ADAMTS1: variants seen among roughly 807,000 people sequenced by gnomAD.
ADAMTS1 encodes ADAM metallopeptidase with thrombospondin type 1 motif 1.
A neutral mutation model predicts 87.9 loss-of-function variants in ADAMTS1; 19 were observed. The observed-to-expected ratio is 0.22, with a 90% confidence interval of 0.15 to 0.32. The LOEUF (loss-of-function observed/expected upper bound fraction) is 0.32, where lower values mean the gene tolerates loss of function less well. Among genes scored for constraint, ADAMTS1 ranks in the 10% least tolerant of loss-of-function variants. ADAMTS1 has a pLI of 1.00. For missense variants in ADAMTS1, 1,240 were observed against 1,259.1 expected (o/e 0.98, Z 0.23); for synonymous variants, 542 against 501.8 (o/e 1.08, Z -1.07).
At chr21:26,840,088 T>G (rs1396950364) in intron 5 of ADAMTS1, 27 bp from the exon 6 acceptor site, 1 of 1,601,396 alleles carries the variant, frequency 6.2e-7, no homozygotes, top group Admixed American at 1.7e-5. Flanking sequence ...ATCATCAGCA[T>G]TAGAATTATC....
intron 4 of ADAMTS1, 130 bp from the exon 5 acceptor site, chr21:26,840,692 G>A: frequency 4.7e-6 from 5 of 1,055,060 alleles, no homozygotes; most frequent in East Asian, 2.5e-5. Context: ...TAAAGCTGGG[G>A]GAGGGAAATG....
chr21:26,837,566 C>A lies in ADAMTS1; in HGVS notation c.*13G>T. The A allele has an allele frequency of 6.2e-7, 1 of 1,611,522 alleles. No homozygotes were observed. The highest frequency in any genetic ancestry group is 1.1e-5 in the South Asian group (1 of 90,876). On this transcript the variant is annotated 3_prime_UTR_variant, in exon 9 of 9. Transcript: ENST00000284984. ...CTTTGCCTTGCCCTCAAAGCTAACACCACTTAAACCACTTAACTGCATTCT... is the reference window on the plus strand; with the variant it reads ...CTTTGCCTTGCCCTCAAAGCTAACAACACTTAAACCACTTAACTGCATTCT...
At position 26,844,331 on chromosome 21, in the gene ADAMTS1, A is replaced by G; in HGVS notation, c.624T>C (p.Thr208=). ...CGVVDDEPRP[T]GKAETEDEDE... Reference sequence around the variant, plus strand: ...CCTCGTCTTCGGTCTCCGCTTTCCCAGTCGGCCGGGGCTCGTCGTCCACGA... The same window carrying G: ...CCTCGTCTTCGGTCTCCGCTTTCCCGGTCGGCCGGGGCTCGTCGTCCACGA... Residue 208 remains threonine, a synonymous_variant, in exon 1 of 9, where the codon ACT becomes ACC. Transcript: ENST00000284984. 6.2e-7 allele frequency: 1 copy of G among 1,607,506 alleles called. No homozygotes were observed. The highest frequency in any genetic ancestry group is 1.1e-5 in the South Asian group (1 of 90,200).
chr21:26,843,429 A>C (rs1457636471), intron 1 of ADAMTS1: 1 of 465,004 alleles, frequency 2.2e-6, no homozygotes, highest in Non-Finnish European at 4.5e-6. Flanking sequence ...TTCTTTAAAA[A>C]ATGACACGCG....
At chr21:26,842,287 A>C (rs988473362) in intron 2 of ADAMTS1, 52 bp downstream of exon 2, 2 of 1,538,104 alleles carry the variant, frequency 1.3e-6, no homozygotes, top group African/African-American at 2.7e-5. Context: ...TTTTTGGTAC[A>C]ACGTAGACTC....
chr21:26,836,658 A>G lies in ADAMTS1; in HGVS notation c.*921T>C, dbSNP rs927615751. ...AGACAAGTGATCTCAATGTCCCCAA[A>G]CCTGTGGGACCCTGTTCTACACACC... On this transcript the variant is annotated 3_prime_UTR_variant, in exon 9 of 9. Transcript: ENST00000284984. The G allele has an allele frequency of 1.3e-5, 2 of 152,478 alleles. No individual in the cohort carries two copies. The highest frequency in any genetic ancestry group is 2.9e-5 in the Non-Finnish European group (2 of 68,024). The allele number at this position is 152,478 out of a possible 1,614,324, so 9.4% of individuals were successfully genotyped here.
chr21:26,844,277 C>G lies in ADAMTS1; in HGVS notation c.678G>C (p.Gly226=). The part of the protein sequence containing the change: ...EDEGTEGEDE[G]AQWSPQDPAL... ...CCGGGTCCTGCGGCGACCACTGAGCCCCTTCGTCCTCGCCCTCAGTCCCTT... is the reference window on the plus strand; with the variant it reads ...CCGGGTCCTGCGGCGACCACTGAGCGCCTTCGTCCTCGCCCTCAGTCCCTT... The change falls in exon 1 of 9, where the codon GGG becomes GGC. Residue 226 remains glycine (G), a synonymous_variant. Coordinates refer to ENST00000284984, the MANE Select transcript of ADAMTS1 (RefSeq NM_006988.5). 1 of 1,601,478 alleles carries G rather than the reference C, an allele frequency of 6.2e-7. No homozygotes were observed. Among genetic ancestry groups the G allele is most frequent in the Non-Finnish European group, 8.5e-7 (1 of 1,174,468 alleles).
chr21:26,843,686 G>A (rs1042516327), intron 1 of ADAMTS1: 27 of 487,310 alleles, frequency 5.5e-5, no homozygotes, highest in Middle Eastern at 3.2e-4. Flanking sequence ...CCTTATAAGG[G>A]GGAAAGGGGA....
rs1319562840 is a variant in ADAMTS1, at chr21:26,844,931, C to G, written c.24G>C (p.Gly8=). Reference sequence around the variant, plus strand: ...CGCTGCCCAGCTTGCGCCTTCCGAACCCCTCGGGCACAGCTCGCTGCATTG... The same window carrying G: ...CGCTGCCCAGCTTGCGCCTTCCGAAGCCCTCGGGCACAGCTCGCTGCATTG... The part of the protein sequence containing the change: MQRAVPE[G]FGRRKLGSDM... Residue 8 remains glycine, a synonymous_variant, in exon 1 of 9, where the codon GGG becomes GGC. Transcript: ENST00000284984. 1 of 1,514,158 alleles carries G rather than the reference C, an allele frequency of 6.6e-7. No individual in the cohort carries two copies. The highest frequency in any genetic ancestry group is 2.3e-5 in the East Asian group (1 of 43,744). The allele number at this position is 1,514,158 out of a possible 1,614,324, so 93.8% of individuals were successfully genotyped here.
chr21:26,840,134 T>G, intron 5 of ADAMTS1, 73 bp from the exon 6 acceptor site: 1 of 1,554,720 alleles, frequency 6.4e-7, no homozygotes, highest in Non-Finnish European at 8.7e-7. Context: ...GAAAGCCACA[T>G]GGGACAAAGA....
chr21:26,843,030 G>A (rs1985529029), intron 1 of ADAMTS1: 2 of 292,940 alleles, frequency 6.8e-6, no homozygotes, highest in Non-Finnish European at 1.3e-5. Context: ...GGCAGGCAGA[G>A]GCCCTGAGTC....
chr21:26,836,131 A>T lies in ADAMTS1; in HGVS notation c.*1448T>A, dbSNP rs1568808304. On this transcript the variant is annotated 3_prime_UTR_variant, in exon 9 of 9. Coordinates refer to ENST00000284984, the MANE Select transcript of ADAMTS1 (RefSeq NM_006988.5). ...TATAAGAAATACATCTCATTAGAAA[A>T]AAATCTTCTATTCAGCCGTCTTGCT... 6.6e-6 allele frequency: 1 copy of T among 152,240 alleles called. No homozygotes were observed. Among genetic ancestry groups the T allele is most frequent in the Non-Finnish European group, 1.5e-5 (1 of 68,032 alleles). The allele number at this position is 152,240 out of a possible 1,614,324, so 9.4% of individuals were successfully genotyped here.
At position 26,837,821 on chromosome 21, in the gene ADAMTS1, G is replaced by A. The variant is rs1263321971; in HGVS notation, c.2662C>T (p.Pro888Ser). The change falls in exon 9 of 9, where the codon CCT becomes TCT. Residue 888 changes from proline to serine, a missense_variant. This residue lies in a region of ADAMTS1 where 402 missense variants were observed against 399.1 expected (regional missense o/e 1.01). Transcript: ENST00000284984. ...ACTTCCTTTGCACACTCGGAAGCAG[G>A]CTGTCCATTAATGTCTCGGCATTCT... ...LVECRDINGQ[P>S]ASECAKEVKP... 1 of 1,614,140 alleles carries A rather than the reference G, an allele frequency of 6.2e-7. No individual in the cohort carries two copies. Among genetic ancestry groups the A allele is most frequent in the Non-Finnish European group, 8.5e-7 (1 of 1,180,034 alleles).
rs201860240 is a variant in ADAMTS1, at chr21:26,844,741, C to G, written c.214G>C (p.Gly72Arg). ...GCGTGCAGGCGGAGGCGCGTGGTCC[C>G]GTGTCCCGGGGCGCGCTCCAGCTCC... Reference protein sequence around the residue: ...VPELERAPGHGTTRLRLHAFD... With the variant: ...VPELERAPGHRTTRLRLHAFD... Residue 72 changes from glycine (G) to arginine (R), a missense_variant, in exon 1 of 9, where the codon GGG (glycine) becomes CGG (arginine). Gly to Arg is a moderately radical substitution (Grantham distance 125). Transcript: ENST00000284984. 49 of 1,567,436 alleles carry G rather than the reference C, an allele frequency of 3.1e-5. 1 individual carries two copies. The Admixed American group carries it at 6.3e-4, about 20-fold the overall frequency.
chr21:26,841,096 G>C lies in ADAMTS1; in HGVS notation c.1280C>G (p.Ser427Cys). Reference protein sequence around the residue: ...CASLNGVNQDSHMMASMLSNL... With the variant: ...CASLNGVNQDCHMMASMLSNL... ...GGAAAGCATTGACGCCATCATGTGG[G>C]AATCCTGGTTCACACCATTAAGGCT... Residue 427 changes from serine to cysteine, a missense_variant, in exon 4 of 9, where the codon TCC becomes TGC. Ser to Cys is a moderately radical substitution (Grantham distance 112). This residue lies in a region of ADAMTS1 where 317 missense variants were observed against 410.3 expected (regional missense o/e 0.77). Transcript: ENST00000284984. 1.2e-6 allele frequency: 2 copies of C among 1,614,188 alleles called. No individual in the cohort carries two copies. Among genetic ancestry groups the C allele is most frequent in the Non-Finnish European group, 8.5e-7 (1 of 1,180,036 alleles).
In ADAMTS1 at chr21:26,842,353, G is replaced by A; in HGVS notation, c.1063C>T (p.Leu355Phe). Residue 355 changes from leucine to phenylalanine, a missense_variant, in exon 2 of 9, where the codon CTT (leucine) becomes TTT (phenylalanine). Physicochemically the swap from Leu to Phe is conservative, Grantham distance 22. Transcript: ENST00000284984. The part of the protein sequence containing the change: ...RDAEHYDTAI[L>F]FTRQDLCGSQ... ...CTTCCTCTTACCTGTCTGGTGAAAAGAATTGCTGTGTCATAGTGCTCTGCA... is the reference window on the plus strand; with the variant it reads ...CTTCCTCTTACCTGTCTGGTGAAAAAAATTGCTGTGTCATAGTGCTCTGCA... 6.2e-7 allele frequency: 1 copy of A among 1,613,998 alleles called. No individual in the cohort carries two copies. Among genetic ancestry groups the A allele is most frequent in the Admixed American group, 1.7e-5 (1 of 60,006 alleles).
rs776591570 is a variant in ADAMTS1, at chr21:26,844,999, G to T, written c.-45C>A. On this transcript the variant is annotated 5_prime_UTR_variant, in exon 1 of 9. Transcript: ENST00000284984. ...GCTCGTAGCAGCGCACGGAGCGAGG[G>T]ACCTTTAGTTCGGGTCGGGAGAGCA... 1.3e-6 allele frequency: 2 copies of T among 1,488,842 alleles called. No individual in the cohort carries two copies. Among genetic ancestry groups the T allele is most frequent in the Non-Finnish European group, 1.8e-6 (2 of 1,123,908 alleles). The allele number at this position is 1,488,842 out of a possible 1,614,324, so 92.2% of individuals were successfully genotyped here.
rs1357762390 is a variant in ADAMTS1, at chr21:26,840,040, C to T, written c.1687G>A (p.Gly563Arg). 1 of 1,613,130 alleles carries T rather than the reference C, an allele frequency of 6.2e-7. No individual in the cohort carries two copies. The highest frequency in any genetic ancestry group is 1.7e-4 in the Middle Eastern group (1 of 6,058). The change falls in exon 6 of 9, where the codon GGA becomes AGA. Residue 563 changes from glycine to arginine, a missense_variant. Physicochemically the swap from Gly to Arg is moderately radical, Grantham distance 125. This residue lies in a region of ADAMTS1 where 317 missense variants were observed against 410.3 expected (regional missense o/e 0.77). Coordinates refer to ENST00000284984, the MANE Select transcript of ADAMTS1 (RefSeq NM_006988.5). ...CAGTCTCCCCAAGGCCCCCACATTCCCCAGCTTCCATGAAAAGGCGTCTAA... is the reference window on the plus strand; with the variant it reads ...CAGTCTCCCCAAGGCCCCCACATTCTCCAGCTTCCATGAAAAGGCGTCTAA... ...HFDTPFHGSW[G>R]MWGPWGDCSR...
chr21:26,843,285 A>G (rs545042198), intron 1 of ADAMTS1, among the ~76,000 whole-genome samples: 1 of 152,358 alleles, frequency 6.6e-6, no homozygotes, highest in African/African-American at 2.4e-5. Context: ...AATAAGTTCC[A>G]GCTTCCAGGC....
Sources: gnomAD v4.1 joint callset for allele counts (sites outside exome capture counted in the v4.1 genomes callset) on GRCh38, gnomAD v4.1.1 for gene constraint, gnomAD v4.1.1 regional missense constraint, MANE v1.5 for transcripts, NCBI Gene and HGNC (gene_info 2026-07-23, HGNC 2026-07-21) for gene names.